FMR1NB: variants seen among roughly 807,000 people sequenced by gnomAD.
FMR1NB encodes the protein FMR1 neighbor protein.
In FMR1NB, 10 loss-of-function variants were observed where a neutral mutation model predicts 16.8. The observed-to-expected ratio is 0.60, with a 90% CI of 0.37 to 1.01. The LOEUF (loss-of-function observed/expected upper bound fraction) is 1.01, where lower values mean the gene tolerates loss of function less well. FMR1NB is among the 50% of genes least tolerant of loss of function. FMR1NB has a pLI of 0.01. For missense variants in FMR1NB, 205 were observed against 204.8 expected (o/e 1.00, Z 0.00); for synonymous variants, 83 against 79.1 (o/e 1.05, Z -0.26).
intron 1 of FMR1NB, among the ~76,000 whole-genome samples, chrX:147,987,820 T>C (rs1348210798): frequency 3.6e-5 from 4 of 111,184 alleles, no homozygotes; most frequent in African/African-American, 1.3e-4. Context: ...GATTTAAATT[T>C]GTTTTATCAG....
chrX:148,008,392 T>C (rs1382913873), intron 3 of FMR1NB, among the ~76,000 whole-genome samples: 1 of 112,077 alleles, frequency 8.9e-6, no homozygotes, highest in Non-Finnish European at 1.9e-5. Context: ...TGTTAAGGCT[T>C]CATTAAGGGG....
chrX:147,990,566 A>G (rs1450872697), intron 1 of FMR1NB, among the ~76,000 whole-genome samples: 1 of 111,936 alleles, frequency 8.9e-6, no homozygotes, highest in African/African-American at 3.3e-5. Flanking sequence ...GGTAATTGAG[A>G]TATCCATTAC....
chrX:148,025,470 A>G (rs373978827), intron 5 of FMR1NB, among the ~76,000 whole-genome samples: 3 of 111,640 alleles, frequency 2.7e-5, no homozygotes, highest in East Asian at 5.6e-4. Context: ...TGCACGATGT[A>G]GTGTTAGAAG....
intron 4 of FMR1NB, among the ~76,000 whole-genome samples, chrX:148,021,995 C>T (rs1208728138): frequency 1.8e-5 from 2 of 109,158 alleles, no homozygotes; most frequent in Admixed American, 2.0e-4. Flanking sequence ...ATCCATACCA[C>T]TTCTCTGCTC....
intron 1 of FMR1NB, among the ~76,000 whole-genome samples, chrX:147,989,134 A>T (rs1177321018): frequency 9.0e-6 from 1 of 111,497 alleles, no homozygotes; most frequent in Non-Finnish European, 1.9e-5. Flanking sequence ...ATTTTTGTGG[A>T]TTTATCTACC....
chrX:148,020,930 A>G (rs2124628776), intron 4 of FMR1NB, among the ~76,000 whole-genome samples: 1 of 111,757 alleles, frequency 8.9e-6, no homozygotes, highest in East Asian at 2.8e-4. Flanking sequence ...TCCTAAATCC[A>G]CTGACTCTTA....
intron 1 of FMR1NB, among the ~76,000 whole-genome samples, chrX:147,988,919 A>T (rs1330637505): frequency 1.8e-5 from 2 of 111,258 alleles, no homozygotes; most frequent in Non-Finnish European, 3.8e-5. Flanking sequence ...ACCTTTTGTC[A>T]AGATTCTTAG....
intron 1 of FMR1NB, among the ~76,000 whole-genome samples, chrX:147,998,305 G>C (rs1186659794): frequency 1.8e-5 from 2 of 111,988 alleles, no homozygotes; most frequent in Non-Finnish European, 3.8e-5. Context: ...TCCTTTGCAG[G>C]GACATGGATG....
At chrX:147,999,200 G>C (rs370749601) in intron 1 of FMR1NB, among the ~76,000 whole-genome samples, 1 of 111,686 alleles carries the variant, frequency 9.0e-6, no homozygotes, top group Admixed American at 9.5e-5. Flanking sequence ...TATTCTAGAG[G>C]AATTCCAGAG....
At chrX:148,007,353 G>C (rs190193173) in intron 3 of FMR1NB, among the ~76,000 whole-genome samples, 133 of 112,060 alleles carry the variant, frequency 1.2e-3, no homozygotes, top group Non-Finnish European at 2.0e-3. Context: ...GTGGTGACGT[G>C]ATCACAGCTG....
At chrX:147,991,443 C>T (rs906188747) in intron 1 of FMR1NB, among the ~76,000 whole-genome samples, 1 of 109,956 alleles carries the variant, frequency 9.1e-6, no homozygotes, top group Non-Finnish European at 1.9e-5. Context: ...TCTCCCCTAA[C>T]AAAATTCTAA....
intron 4 of FMR1NB, among the ~76,000 whole-genome samples, chrX:148,020,702 A>G (rs1401369974): frequency 9.0e-6 from 1 of 111,686 alleles, no homozygotes; most frequent in Non-Finnish European, 1.9e-5. Flanking sequence ...AGGGCCTGAA[A>G]AGGGGACCTC....
chrX:148,012,142 T>A (rs1557189680), intron 4 of FMR1NB, among the ~76,000 whole-genome samples: 4 of 110,392 alleles, frequency 3.6e-5, no homozygotes, highest in Non-Finnish European at 7.6e-5. Context: ...ATCAAGTGGA[T>A]AGCGACAAAA....
intron 1 of FMR1NB, among the ~76,000 whole-genome samples, chrX:147,999,593 GC>G (rs1409824125): frequency 1.8e-4 from 20 of 109,851 alleles, no homozygotes; most frequent in African/African-American, 6.3e-4. Flanking sequence ...ATTTAAAGTA[GC>G]CCCCCTCCTT....
At chrX:148,008,488 T>C in intron 3 of FMR1NB, 130 bp from the exon 4 acceptor site, 1 of 519,228 alleles carries the variant, frequency 1.9e-6, no homozygotes, top group Non-Finnish European at 3.1e-6. Flanking sequence ...GATATTTACC[T>C]GTCACATAAG....
chrX:148,006,883 T>G, intron 3 of FMR1NB, 41 bp downstream of exon 3: 3 of 1,141,173 alleles, frequency 2.6e-6, no homozygotes, highest in Non-Finnish European at 3.6e-6. Flanking sequence ...TTTTTAATAT[T>G]AAATAAACAG....
intron 4 of FMR1NB, among the ~76,000 whole-genome samples, chrX:148,019,846 G>C (rs1238412259): frequency 3.6e-5 from 4 of 111,817 alleles, no homozygotes; most frequent in African/African-American, 1.3e-4. Flanking sequence ...GACTGCACTA[G>C]GGCAGACCTT....
chrX:147,999,047 C>G (rs2044557596), intron 1 of FMR1NB, among the ~76,000 whole-genome samples: 1 of 111,607 alleles, frequency 9.0e-6, no homozygotes, highest in Admixed American at 9.6e-5. Context: ...ATGCCAGAAA[C>G]TTGGAGGGTT....
At chrX:147,999,035 A>C (rs1441899927) in intron 1 of FMR1NB, among the ~76,000 whole-genome samples, 1 of 111,858 alleles carries the variant, frequency 8.9e-6, no homozygotes, top group East Asian at 2.8e-4. Context: ...TCTGGCATCT[A>C]TATGCCAGAA....
Sources: gnomAD v4.1 joint callset for allele counts (sites outside exome capture counted in the v4.1 genomes callset) on GRCh38, gnomAD v4.1.1 for gene constraint, MANE v1.5 for transcripts, NCBI Gene and HGNC (gene_info 2026-07-23, HGNC 2026-07-21) for gene names.